Variants in INTS11 observed in about 807,000 individuals in gnomAD.
INTS11 encodes the protein CPSF3-like protein.
INTS11 carries 77 observed loss-of-function variants against 78.6 expected under a neutral mutation model. The ratio of observed to expected loss-of-function variants is 0.98; its 90% CI spans 0.81 to 1.18. The LOEUF is 1.18. Among genes scored for constraint, INTS11 ranks in the 50% most tolerant of loss-of-function variants. The pLI, the probability that INTS11 is intolerant of heterozygous loss-of-function variation, is 0.00. For synonymous variants in INTS11, 441 were observed against 326.9 expected (o/e 1.35, Z -3.77); for missense variants, 875 against 825.9 (o/e 1.06, Z -0.73).
At position 1,320,289 on chromosome 1, in the gene INTS11, T is replaced by G. The variant is rs562987323; in HGVS notation, c.200+167A>C. 6 of 665,470 alleles carry G rather than the reference T, an allele frequency of 9.0e-6. No homozygotes were observed. The Admixed American group carries it at 1.5e-4, about 17-fold the overall frequency. The allele number at this position is 665,470 out of a possible 1,614,324, so 41.2% of individuals were successfully genotyped here. On this transcript the variant is annotated intron_variant, in intron 3 of 16. Coordinates refer to ENST00000435064, the MANE Select transcript of INTS11 (RefSeq NM_017871.6). ...GGAAGAACAGACAGAGACCAGGCCA[T>G]GTGTGTGACCAGTAAGGCAGGCAGG...
chr1:1,320,047 CAG>C (rs1642852813), intron 3 of INTS11: 3 of 220,076 alleles, frequency 1.4e-5, no homozygotes, highest in East Asian at 1.2e-4. Context: ...CAGGGAAGGG[CAG>C]GGGGCCAGCA....
At chr1:1,317,472 G>T (rs1642688411) in intron 4 of INTS11, 12 of 975,114 alleles carry the variant, frequency 1.2e-5, no homozygotes, top group Non-Finnish European at 1.3e-5. Context: ...GAGAATCCAT[G>T]AACTGAAAGA....
chr1:1,317,777 A>G (rs1444235687), intron 4 of INTS11: 1 of 152,238 alleles, frequency 6.6e-6, no homozygotes, highest in Non-Finnish European at 1.5e-5. Context: ...CAGAGACAAA[A>G]TACTGTCAAC....
chr1:1,321,898 T>TTCCCCCCCCCCCCCC, intron 1 of INTS11: 2 of 1,141,976 alleles, frequency 1.8e-6, no homozygotes, highest in Non-Finnish European at 2.3e-6. Context: ...TCCCCTTGAA[T>TTCCCCCCCCCCCCCC]CCCACCCACC....
chr1:1,316,436 A>T (rs956999178), intron 4 of INTS11: 1 of 152,164 alleles, frequency 6.6e-6, no homozygotes, highest in African/African-American at 2.4e-5. Flanking sequence ...TAAAAATACA[A>T]AAGTTAGCTG....
chr1:1,313,937 C>T lies in INTS11; in HGVS notation c.768-16G>A. The T allele has an allele frequency of 1.2e-6, 2 of 1,607,272 alleles. No homozygotes were observed. The highest frequency in any genetic ancestry group is 1.7e-6 in the Non-Finnish European group (2 of 1,175,880). ...CATGCGCTCCCTGGGGACCACCGGCCCAGTCAGCACAGTGGCCACAGGGGA... is the reference window on the plus strand; with the variant it reads ...CATGCGCTCCCTGGGGACCACCGGCTCAGTCAGCACAGTGGCCACAGGGGA... On this transcript the variant is annotated splice_polypyrimidine_tract_variant and intron_variant, in intron 8 of 16. Coordinates refer to ENST00000435064, the MANE Select transcript of INTS11 (RefSeq NM_017871.6).
At chr1:1,318,533 C>T (rs1329602822) in intron 4 of INTS11, 2 of 221,372 alleles carry the variant, frequency 9.0e-6, no homozygotes, top group Non-Finnish European at 1.8e-5. Flanking sequence ...TGGGCACATG[C>T]TTGTAGTCCC....
intron 1 of INTS11, chr1:1,321,971 A>G (rs1488381154): frequency 1.6e-6 from 2 of 1,212,866 alleles, no homozygotes; most frequent in Admixed American, 4.1e-5. Context: ...ACGGGGCCAC[A>G]GCCGAGGGGC....
intron 3 of INTS11, chr1:1,319,743 C>T: frequency 8.8e-6 from 5 of 566,424 alleles, no homozygotes; most frequent in South Asian, 2.2e-5. Context: ...TTGAACACGT[C>T]GGTGACGGCG....
rs771555503 is a variant in INTS11 at position 1,312,282 on chromosome 1, C to T, written c.1551G>A (p.Leu517=). Residue 517 remains leucine, a synonymous_variant, in exon 15 of 17, where the codon CTG becomes CTA. Coordinates refer to ENST00000435064, the MANE Select transcript of INTS11 (RefSeq NM_017871.6). ...TCTCCTGCTCCTTGCGTGTGTCATGCAGGTGCACGCGGCAGGTGAAGCGCA... is the reference window on the plus strand; with the variant it reads ...TCTCCTGCTCCTTGCGTGTGTCATGTAGGTGCACGCGGCAGGTGAAGCGCA... ...HQLRFTCRVH[L]HDTRKEQETA... The T allele has an allele frequency of 8.4e-6, 13 of 1,549,112 alleles. No homozygotes were observed. In the South Asian group the frequency reaches 1.1e-4, roughly 13 times the overall value.
rs374467956 is a variant in INTS11 at position 1,314,922 on chromosome 1, T to A, written c.604A>T (p.Thr202Ser). ...IDKCRPNLLI[T>S]ESTYATTIRD... ...ATGGTCGTGGCGTACGTGGACTCTG[T>A]GATGAGCAGGTTGGGGCGGCACTTG... The change falls in exon 7 of 17, where the codon ACA (threonine) becomes TCA (serine). Residue 202 changes from threonine (T) to serine (S), a missense_variant. Coordinates refer to ENST00000435064, the MANE Select transcript of INTS11 (RefSeq NM_017871.6). This position sits in a 1 kb window ranked among gnomAD's most constrained non-coding sequence, Gnocchi z 4.2. The A allele has an allele frequency of 5.0e-6, 8 of 1,612,872 alleles. No individual in the cohort carries two copies. Among genetic ancestry groups the A allele is most frequent in the Non-Finnish European group, 6.8e-6 (8 of 1,179,924 alleles).
chr1:1,315,309 C>G, intron 6 of INTS11, 95 bp downstream of exon 6: 1 of 1,467,464 alleles, frequency 6.8e-7, no homozygotes. Context: ...GAGACACTGC[C>G]AGGCTGGCCA....
At chr1:1,318,598 C>T in intron 4 of INTS11, 1 of 332,698 alleles carries the variant, frequency 3.0e-6, no homozygotes, top group Non-Finnish European at 5.4e-6. Flanking sequence ...GCCGAGGCTG[C>T]AGTGAGCCAA....
intron 4 of INTS11, chr1:1,316,012 C>A: frequency 3.7e-6 from 1 of 269,020 alleles, no homozygotes; most frequent in Non-Finnish European, 7.2e-6. Flanking sequence ...GAATACATGA[C>A]AGAGAAAAGA....
chr1:1,322,058 G>T, intron 1 of INTS11: 1 of 1,005,508 alleles, frequency 9.9e-7, no homozygotes, highest in Non-Finnish European at 1.3e-6. Context: ...CTCTCTGAGA[G>T]CAGGGTCTCA....
Position 1,315,598 on chromosome 1 carries a change from G to T in INTS11, c.450C>A (p.Ile150=). ...GCACGTGGCCTGCATAGTAGGCCTT[G>T]ATCTCCAGCTCATCATCTACCTGTG... ...QTVQVDDELE[I]KAYYAGHVLG... is the part of the protein sequence containing the mutation. The change falls in exon 5 of 17, where the codon ATC becomes ATA. Residue 150 remains isoleucine, a synonymous_variant. Coordinates refer to ENST00000435064, the MANE Select transcript of INTS11 (RefSeq NM_017871.6). 6.2e-7 allele frequency: 1 copy of T among 1,608,400 alleles called. No homozygotes were observed. Among genetic ancestry groups the T allele is most frequent in the Non-Finnish European group, 8.5e-7 (1 of 1,177,554 alleles).
Position 1,312,213 on chromosome 1 carries a change from G to GGGGGGGGGGGGCCCCCCCCCCC in INTS11, c.1607+12_1607+13insGGGGGGGGGGGCCCCCCCCCCC. ...CCCAAGGGAGTGGGGGGGGGGCGGG[G>GGGGGGGGGGGGCCCCCCCCCCC]CCGGGCGCCCACCTCTTGAGGTGGC... On this transcript the variant is annotated intron_variant, in intron 15 of 16. Transcript: ENST00000435064. The GGGGGGGGGGGGCCCCCCCCCCC allele has an allele frequency of 2.1e-6, 2 of 934,608 alleles. No homozygotes were observed. The highest frequency in any genetic ancestry group is 3.1e-6 in the Non-Finnish European group (2 of 636,660). The allele number at this position is 934,608 out of a possible 1,614,324, so 57.9% of individuals were successfully genotyped here.
intron 10 of INTS11, 75 bp from the exon 11 acceptor site, chr1:1,313,199 G>C (rs997283135): frequency 2.0e-6 from 3 of 1,480,898 alleles, no homozygotes; most frequent in Non-Finnish European, 2.7e-6. Flanking sequence ...GGATGCCCCC[G>C]CCTGAACCCC....
intron 2 of INTS11, 50 bp downstream of exon 2, chr1:1,320,946 G>A: frequency 2.0e-6 from 3 of 1,521,866 alleles, no homozygotes; most frequent in Non-Finnish European, 1.8e-6. Context: ...GGGTCCAGCT[G>A]TGGATGGCCG....
Sources: gnomAD v4.1 joint callset for allele counts on GRCh38, gnomAD v4.1.1 for gene constraint, Gnocchi (gnomAD v3.1) non-coding constraint, MANE v1.5 for transcripts, NCBI Gene and HGNC (gene_info 2026-07-23, HGNC 2026-07-21) for gene names.